Variants in P3H2 observed in about 807,000 individuals in gnomAD.
P3H2 encodes leprecan-like 1.
Under a neutral mutation model 87.0 loss-of-function variants are expected in P3H2, and 80 were observed. That is an observed-to-expected ratio of 0.92 (90% CI 0.77 to 1.11). The LOEUF (loss-of-function observed/expected upper bound fraction) is 1.11. Ranked by LOEUF, P3H2 falls within the 50% of genes least tolerant of loss-of-function variation. The pLI, the probability that P3H2 is intolerant of heterozygous loss-of-function variation, is 0.00. For missense variants in P3H2, 1,001 were observed against 923.9 expected, an observed-to-expected ratio of 1.08 and a Z score of -1.08; for synonymous variants, 367 against 359.3, an observed-to-expected ratio of 1.02 and a Z score of -0.24.
At chr3:190,027,912 C>T (rs1416365980) in intron 1 of P3H2, among the ~76,000 whole-genome samples, 1 of 150,900 alleles carries the variant, frequency 6.6e-6, no homozygotes, top group Admixed American at 6.6e-5. Context: ...AAAGTGGAGA[C>T]TGCAGTGAGT....
At chr3:189,974,975 G>C (rs570970412) in intron 8 of P3H2, among the ~76,000 whole-genome samples, 3 of 152,100 alleles carry the variant, frequency 2.0e-5, no homozygotes, top group African/African-American at 7.2e-5. Flanking sequence ...CCAAAAAGTC[G>C]ACTGGGCATC....
intron 1 of P3H2, among the ~76,000 whole-genome samples, chr3:190,065,626 A>T (rs1726471420): frequency 6.6e-6 from 1 of 152,050 alleles, no homozygotes; most frequent in Non-Finnish European, 1.5e-5. Flanking sequence ...TCAATACAGG[A>T]TTCAAAAAAA....
intron 8 of P3H2, among the ~76,000 whole-genome samples, chr3:189,975,756 C>T (rs1723331152): frequency 6.6e-6 from 1 of 152,128 alleles, no homozygotes; most frequent in South Asian, 2.1e-4. Context: ...AGAGCACTGT[C>T]TAAATGTTTA....
At position 190,053,672 on chromosome 3, in the gene P3H2, G is replaced by A. The variant is rs149415402; in HGVS notation, c.481-58230C>T. ...AGGGTTTCACCATGTTGGCCAGGGTGGTCTCTAAGTCCTGACCTCAGGTGA... is the reference window on the plus strand; with the variant it reads ...AGGGTTTCACCATGTTGGCCAGGGTAGTCTCTAAGTCCTGACCTCAGGTGA... On this transcript the variant is annotated intron_variant, in intron 1 of 14. Coordinates refer to ENST00000319332, the MANE Select transcript of P3H2 (RefSeq NM_018192.4). 0.011 allele frequency among the ~76,000 whole-genome samples: 1,631 copies of A among 151,952 alleles called. 116 individuals are homozygous for A. In the East Asian group the frequency reaches 0.2, roughly 19 times the overall value.
rs1719581 is a variant in P3H2, at chr3:189,963,769, C to G, written c.2034+189G>C. On this transcript the variant is annotated intron_variant, in intron 14 of 14. Transcript: ENST00000319332. ...TTACAATTTGTTAATAAGCTCAAGACAGATTAGTGACTATCAAATATCATT... is the reference window on the plus strand; with the variant it reads ...TTACAATTTGTTAATAAGCTCAAGAGAGATTAGTGACTATCAAATATCATT... 155,277 of 663,260 alleles carry G rather than the reference C, an allele frequency of 0.23. 18,931 individuals are homozygous for G. The highest frequency in any genetic ancestry group is 0.27 in the Non-Finnish European group (100,817 of 376,818). The allele number at this position is 663,260 out of a possible 1,614,324, so 41.1% of individuals were successfully genotyped here. A position where few individuals can be genotyped will look rare whatever the true frequency, so the allele number is the denominator to read the frequency against.
In P3H2 at chr3:190,120,725, C is replaced by T. The variant is rs917355513; in HGVS notation, c.7G>A (p.Glu3Lys). Residue 3 changes from glutamate (E) to lysine (K), a missense_variant, in exon 1 of 15, where the codon GAG becomes AAG. Glu to Lys is a moderately conservative substitution (Grantham distance 56). Transcript: ENST00000319332. MR[E>K]RIWAPPLLLL... Reference sequence around the variant, plus strand: ...AGCAGCGGCGGCGCCCAGATGCGCTCCCGCATCCTCCGCCTCAGAGAGGCG... The same window carrying T: ...AGCAGCGGCGGCGCCCAGATGCGCTTCCGCATCCTCCGCCTCAGAGAGGCG... 5 of 1,519,884 alleles carry T rather than the reference C, an allele frequency of 3.3e-6. No individual in the cohort carries two copies. Among genetic ancestry groups the T allele is most frequent in the Middle Eastern group, 2.3e-4 (1 of 4,442 alleles). The allele number at this position is 1,519,884 out of a possible 1,614,324, so 94.1% of individuals were successfully genotyped here.
intron 1 of P3H2, among the ~76,000 whole-genome samples, chr3:190,026,540 C>T (rs901304869): frequency 2.0e-5 from 3 of 151,810 alleles, no homozygotes; most frequent in African/African-American, 7.3e-5. Context: ...CCGTGACAAC[C>T]TCAGGAAGTT....
intron 1 of P3H2, among the ~76,000 whole-genome samples, chr3:190,007,190 G>C (rs1010420709): frequency 1.3e-5 from 2 of 152,108 alleles, no homozygotes; most frequent in African/African-American, 4.8e-5. Context: ...GGTTGTTGTA[G>C]GACTAAGTGG....
At chr3:190,102,216 G>C (rs1306381301) in intron 1 of P3H2, among the ~76,000 whole-genome samples, 2 of 152,230 alleles carry the variant, frequency 1.3e-5, no homozygotes, top group East Asian at 1.9e-4. Context: ...GCCTGTAATA[G>C]AGGAGTAACT....
intron 1 of P3H2, among the ~76,000 whole-genome samples, chr3:190,050,410 T>C (rs1725941532): frequency 6.6e-6 from 1 of 152,204 alleles, no homozygotes; most frequent in South Asian, 2.1e-4. Flanking sequence ...ATTAATCCTC[T>C]CTACTTGTCA....
chr3:190,085,527 G>A lies in P3H2; in HGVS notation c.480+34725C>T, dbSNP rs141092712. ...ATTTGCAGCTCCACACAGTCTGATC[G>A]ATTAATATGCTCCTTCCTTGTAAAT... is the stretch of plus-strand genomic sequence containing the variant. On this transcript the variant is annotated intron_variant, in intron 1 of 14. Coordinates refer to ENST00000319332, the MANE Select transcript of P3H2 (RefSeq NM_018192.4). Among the ~76,000 whole-genome samples, 12 of 152,274 alleles carry A rather than the reference G, an allele frequency of 7.9e-5. No homozygotes were observed. The East Asian group carries it at 1.7e-3, about 22-fold the overall frequency.
intron 1 of P3H2, among the ~76,000 whole-genome samples, chr3:190,065,821 C>T (rs1027055893): frequency 1.3e-5 from 2 of 152,046 alleles, no homozygotes; most frequent in Non-Finnish European, 2.9e-5. Flanking sequence ...TTATGAAACA[C>T]TTTTTGATGT....
chr3:190,120,754 G>T lies in P3H2; in HGVS notation c.-23C>A. 1 of 1,516,476 alleles carries T rather than the reference G, an allele frequency of 6.6e-7. No homozygotes were observed. The highest frequency in any genetic ancestry group is 8.8e-7 in the Non-Finnish European group (1 of 1,139,508). The allele number at this position is 1,516,476 out of a possible 1,614,324, so 93.9% of individuals were successfully genotyped here. A position where few individuals can be genotyped will look rare whatever the true frequency, so the allele number is the denominator to read the frequency against. ...CATCCTCCGCCTCAGAGAGGCGCGG[G>T]ACGGTTACGCTCGAGAGGGCTTCGG... On this transcript the variant is annotated 5_prime_UTR_variant, in exon 1 of 15. Coordinates refer to ENST00000319332, the MANE Select transcript of P3H2 (RefSeq NM_018192.4).
chr3:189,966,152 A>G (rs183157861), intron 13 of P3H2, among the ~76,000 whole-genome samples: 2 of 143,462 alleles, frequency 1.4e-5, no homozygotes, highest in African/African-American at 5.5e-5. Context: ...AGAAAGAAAG[A>G]AAGAAAGAAA....
chr3:190,015,380 A>T (rs937291226), intron 1 of P3H2, among the ~76,000 whole-genome samples: 8 of 152,206 alleles, frequency 5.3e-5, no homozygotes, highest in African/African-American at 1.9e-4. Flanking sequence ...TTTAGAAACT[A>T]AATTGTGAAA....
intron 1 of P3H2, among the ~76,000 whole-genome samples, chr3:190,047,363 C>T (rs186470304): frequency 6.6e-6 from 1 of 152,172 alleles, no homozygotes; most frequent in Non-Finnish European, 1.5e-5. Context: ...ACCATAAGAT[C>T]TAGCAACCGC....
intron 1 of P3H2, among the ~76,000 whole-genome samples, chr3:190,108,834 T>A (rs1711955222): frequency 6.6e-6 from 1 of 152,180 alleles, no homozygotes. Flanking sequence ...TTGTTTGAGA[T>A]CTTTCTCGTT....
At chr3:189,995,782 T>TA (rs1235752762) in intron 1 of P3H2, among the ~76,000 whole-genome samples, 1 of 151,512 alleles carries the variant, frequency 6.6e-6, no homozygotes, top group Admixed American at 6.6e-5. Context: ...AAAGAAAGAT[T>TA]AAAAAATGGG....
At chr3:190,041,080 ACTCTCT>A (rs1396727352) in intron 1 of P3H2, among the ~76,000 whole-genome samples, 3 of 40,612 alleles carry the variant, frequency 7.4e-5, no homozygotes, top group African/African-American at 7.4e-5. Context: ...ACACACACAC[ACTCTCT>A]CTCTCTATAT....
Sources: gnomAD v4.1 joint callset for allele counts (sites outside exome capture counted in the v4.1 genomes callset) on GRCh38, gnomAD v4.1.1 for gene constraint, MANE v1.5 for transcripts, NCBI Gene and HGNC (gene_info 2026-07-23, HGNC 2026-07-21) for gene names.